The following RYR2 variants were observed in gnomAD, a reference collection of about 807,000 sequenced individuals.
RYR2 encodes cardiac muscle ryanodine receptor-calcium release channel.
Under a neutral mutation model 601.1 loss-of-function variants are expected in RYR2, and 227 were observed. The ratio of observed to expected loss-of-function variants is 0.38; its 90% CI spans 0.34 to 0.42. The LOEUF (loss-of-function observed/expected upper bound fraction) is 0.42, where lower values mean the gene tolerates loss of function less well. Among genes scored for constraint, RYR2 ranks in the 10% least tolerant of loss-of-function variants. The pLI, the probability that RYR2 is intolerant of heterozygous loss-of-function variation, is 1.00. For missense variants in RYR2, 4,646 were observed against 6,156.5 expected (o/e 0.75, Z 8.21); for synonymous variants, 2,223 against 2,175.1 (o/e 1.02, Z -0.61).
intron 39 of RYR2, 74 bp downstream of exon 39, chr1:237,623,944 G>A (rs191289284): frequency 3.2e-6 from 3 of 936,286 alleles, no homozygotes; most frequent in Admixed American, 3.9e-5. Flanking sequence ...GAAATTAAGT[G>A]TATATGCGAA....
intron 1 of RYR2, among the ~76,000 whole-genome samples, chr1:237,140,823 C>A (rs1673309486): frequency 6.6e-6 from 1 of 152,190 alleles, no homozygotes; most frequent in Non-Finnish European, 1.5e-5. Flanking sequence ...ATCTATAATA[C>A]AATGACCTGG....
intron 1 of RYR2, among the ~76,000 whole-genome samples, chr1:237,053,089 C>T (rs190867654): frequency 1.8e-4 from 28 of 152,190 alleles, no homozygotes; most frequent in East Asian, 1.6e-3. Context: ...CCTCATGGTC[C>T]GCCCACCTCA....
intron 19 of RYR2, among the ~76,000 whole-genome samples, chr1:237,494,934 G>A (rs1053940528): frequency 6.6e-6 from 1 of 151,804 alleles, no homozygotes; most frequent in Non-Finnish European, 1.5e-5. Flanking sequence ...GGGATTACAG[G>A]TGCACACCAC....
At chr1:237,100,675 C>T (rs1345806997) in intron 1 of RYR2, among the ~76,000 whole-genome samples, 13 of 152,098 alleles carry the variant, frequency 8.5e-5, no homozygotes, top group African/African-American at 3.1e-4. Context: ...CATGAGCCAC[C>T]GTGCCTGGCC....
intron 100 of RYR2, among the ~76,000 whole-genome samples, chr1:237,817,974 G>A (rs1662024224): frequency 1.3e-5 from 2 of 152,164 alleles, no homozygotes; most frequent in South Asian, 4.1e-4. Context: ...GAGTAAGAAT[G>A]GAAAAGCCTA....
chr1:237,431,408 T>C (rs1025204770), intron 12 of RYR2, among the ~76,000 whole-genome samples: 133 of 152,136 alleles, frequency 8.7e-4, no homozygotes, highest in African/African-American at 2.8e-3. Context: ...TTGTGTGTAT[T>C]TGAGTTGTAA....
intron 10 of RYR2, among the ~76,000 whole-genome samples, chr1:237,388,596 C>G (rs1246265609): frequency 1.3e-5 from 2 of 152,078 alleles, no homozygotes; most frequent in Non-Finnish European, 2.9e-5. Flanking sequence ...TTTGCTATGA[C>G]CTCTCATTTA....
intron 2 of RYR2, among the ~76,000 whole-genome samples, chr1:237,325,504 C>T (rs59285584): frequency 0.091 from 13,819 of 151,772 alleles, 1,460 homozygotes; most frequent in African/African-American, 0.25. Flanking sequence ...CTGGCTAACA[C>T]GATGAAACCC....
chr1:237,633,546 T>C, intron 42 of RYR2, 32 bp from the exon 43 acceptor site: 2 of 1,613,196 alleles, frequency 1.2e-6, no homozygotes, highest in Middle Eastern at 1.7e-4. Context: ...GGTCGTTTGC[T>C]TTCAGCAGCT....
At chr1:237,209,516 T>TA (rs1260539665) in intron 1 of RYR2, among the ~76,000 whole-genome samples, 11 of 148,036 alleles carry the variant, frequency 7.4e-5, no homozygotes, top group Admixed American at 4.7e-4. Context: ...TGTGTGTGTA[T>TA]TTTTTTTTTT....
chr1:237,763,190 T>G (rs1387779617), intron 84 of RYR2, among the ~76,000 whole-genome samples: 1 of 152,194 alleles, frequency 6.6e-6, no homozygotes, highest in Non-Finnish European at 1.5e-5. Flanking sequence ...TTCGGATTGG[T>G]TTTGTTGCTT....
intron 25 of RYR2, among the ~76,000 whole-genome samples, chr1:237,539,282 T>A (rs3766845): frequency 0.24 from 35,857 of 152,220 alleles, 4,367 homozygotes; most frequent in Admixed American, 0.32. Context: ...AGTGCCAGGG[T>A]TTTATATGAC....
intron 2 of RYR2, among the ~76,000 whole-genome samples, chr1:237,314,611 G>A (rs1194825794): frequency 6.6e-6 from 1 of 152,176 alleles, no homozygotes; most frequent in Non-Finnish European, 1.5e-5. Context: ...AAGGTGGTTA[G>A]TATTACAGGT....
intron 58 of RYR2, among the ~76,000 whole-genome samples, chr1:237,668,720 G>A (rs1684544653): frequency 6.6e-6 from 1 of 152,200 alleles, no homozygotes; most frequent in African/African-American, 2.4e-5. Context: ...AGGTGAAAAT[G>A]TAGAAGGGGA....
In RYR2 at chr1:237,783,065, A is replaced by G. The variant is rs748463248; in HGVS notation, c.11963-610A>G. On this transcript the variant is annotated intron_variant, in intron 89 of 104. Coordinates refer to ENST00000366574, the MANE Select transcript of RYR2 (RefSeq NM_001035.3). The stretch of plus-strand genomic sequence containing the variant: ...TTCAGGAATCTGCCATTTTCTAACA[A>G]CTATACACACTGACTCATGAAGAAA... 5.3e-5 allele frequency among the ~76,000 whole-genome samples: 8 copies of G among 152,228 alleles called. No individual in the cohort carries two copies. The East Asian group carries it at 7.7e-4, about 15-fold the overall frequency.
At chr1:237,725,167 A>AATCC (rs1425231070) in intron 74 of RYR2, among the ~76,000 whole-genome samples, 2 of 152,194 alleles carry the variant, frequency 1.3e-5, no homozygotes, top group Admixed American at 1.3e-4. Flanking sequence ...TGAAGTAGGT[A>AATCC]ATCCCTGTAT....
intron 100 of RYR2, among the ~76,000 whole-genome samples, chr1:237,812,234 C>T (rs1661331078): frequency 6.6e-6 from 1 of 152,144 alleles, no homozygotes; most frequent in Non-Finnish European, 1.5e-5. Context: ...TACACTACCT[C>T]ACAGATAGTA....
chr1:237,282,323 C>T, intron 2 of RYR2, among the ~76,000 whole-genome samples: 1 of 151,712 alleles, frequency 6.6e-6, no homozygotes, highest in East Asian at 1.9e-4. Flanking sequence ...TGGCTGTGTT[C>T]CAAAAAACCT....
chr1:237,128,574 A>T (rs929399477), intron 1 of RYR2, among the ~76,000 whole-genome samples: 1 of 152,188 alleles, frequency 6.6e-6, no homozygotes, highest in Non-Finnish European at 1.5e-5. Flanking sequence ...CTCTTTGAGC[A>T]GTTTATTAAT....
Sources: allele counts gnomAD v4.1 joint callset (sites outside exome capture counted in the v4.1 genomes callset), GRCh38; gene constraint gnomAD v4.1.1; transcripts MANE v1.5; gene names NCBI Gene and HGNC (gene_info 2026-07-23, HGNC 2026-07-21).